The following PKHD1 variants were observed in gnomAD, a reference collection of about 807,000 sequenced individuals.
PKHD1 encodes PKHD1 ciliary IPT domain containing fibrocystin/polyductin, also known as fibrocystin.
A neutral mutation model predicts 412.0 loss-of-function variants in PKHD1; 291 were observed. That is an observed-to-expected ratio of 0.71 (90% CI 0.64 to 0.78). The LOEUF (loss-of-function observed/expected upper bound fraction) is 0.78. Among genes scored for constraint, PKHD1 ranks in the 30% least tolerant of loss-of-function variants. The probability of loss-of-function intolerance (pLI) is 0.00; values close to 1 mark genes in which losing one functional copy is unlikely to be tolerated. For synonymous variants in PKHD1, 1,777 were observed against 1,821.5 expected (o/e 0.98, Z 0.62); for missense variants, 4,825 against 4,950.7 (o/e 0.97, Z 0.76).
At position 52,058,386 on chromosome 6, in the gene PKHD1, G is replaced by A. The variant is rs1371241995; in HGVS notation, c.1449C>T (p.Val483=). 2.3e-5 allele frequency: 37 copies of A among 1,613,998 alleles called. No individual in the cohort carries two copies. The highest frequency in any genetic ancestry group is 3.0e-5 in the Non-Finnish European group (35 of 1,180,022). The change falls in exon 16 of 67, where the codon GTC becomes GTT. Residue 483 remains valine (V), a synonymous_variant. Coordinates refer to ENST00000371117, the MANE Select transcript of PKHD1 (RefSeq NM_138694.4). ...IHNTWLNPDV[V]TTYLREKHQI... ...GGTGCTTCTCCCGTAGGTAAGTGGT[G>A]ACCACATCAGGATTCAGCCAGGTGT...
intron 60 of PKHD1, among the ~76,000 whole-genome samples, chr6:51,684,038 G>T (rs1222962299): frequency 6.6e-6 from 1 of 152,058 alleles, no homozygotes. Context: ...CAAGAGAGAA[G>T]AAACATCAAC....
At chr6:51,864,312 C>T (rs1326021974) in intron 48 of PKHD1, among the ~76,000 whole-genome samples, 2 of 152,058 alleles carry the variant, frequency 1.3e-5, no homozygotes, top group Non-Finnish European at 2.9e-5. Context: ...AAGTTTCACG[C>T]AAGGGAATGG....
chr6:52,001,685 C>T (rs1798419535), intron 35 of PKHD1, among the ~76,000 whole-genome samples: 1 of 152,002 alleles, frequency 6.6e-6, no homozygotes, highest in South Asian at 2.1e-4. Context: ...CCCACGTCGG[C>T]CTCCCAAAGT....
intron 43 of PKHD1, 117 bp downstream of exon 43, chr6:51,903,480 A>G: frequency 4.7e-6 from 4 of 842,304 alleles, no homozygotes; most frequent in Non-Finnish European, 8.1e-6. Context: ...CAATTCTTCC[A>G]ATGGCAATTA....
intron 34 of PKHD1, among the ~76,000 whole-genome samples, chr6:52,012,126 C>G (rs1799909072): frequency 6.6e-6 from 1 of 152,200 alleles, no homozygotes; most frequent in African/African-American, 2.4e-5. Context: ...TGGTTACCAT[C>G]TACATGACAT....
chr6:51,926,545 T>C (rs1785658433), intron 37 of PKHD1, among the ~76,000 whole-genome samples: 1 of 152,190 alleles, frequency 6.6e-6, no homozygotes, highest in Admixed American at 6.5e-5. Context: ...TGTACTTGGA[T>C]TATTGAATAG....
At chr6:51,923,564 T>G (rs1785055990) in intron 37 of PKHD1, among the ~76,000 whole-genome samples, 1 of 151,550 alleles carries the variant, frequency 6.6e-6, no homozygotes, top group African/African-American at 2.4e-5. Context: ...TAGGTAAATT[T>G]TTATATAGTC....
intron 60 of PKHD1, among the ~76,000 whole-genome samples, chr6:51,739,173 T>C (rs975427934): frequency 4.7e-5 from 7 of 149,160 alleles, no homozygotes; most frequent in Non-Finnish European, 7.4e-5. Context: ...ACTCATGTTA[T>C]ATACATACAC....
chr6:51,784,401 G>A (rs1014576482), intron 53 of PKHD1, among the ~76,000 whole-genome samples: 5 of 152,046 alleles, frequency 3.3e-5, no homozygotes, highest in Admixed American at 1.3e-4. Context: ...TTATCTCTCT[G>A]GATTTCAGTT....
chr6:52,017,194 A>G (rs1800667947), intron 34 of PKHD1, among the ~76,000 whole-genome samples: 1 of 152,186 alleles, frequency 6.6e-6, no homozygotes, highest in African/African-American at 2.4e-5. Flanking sequence ...TACTGGGCAG[A>G]TTTTTCAGAT....
intron 52 of PKHD1, among the ~76,000 whole-genome samples, chr6:51,827,332 C>T (rs534725758): frequency 2.0e-5 from 3 of 152,174 alleles, no homozygotes; most frequent in Admixed American, 1.3e-4. Context: ...ATTCCATTAC[C>T]GCCAAAACTC....
intron 48 of PKHD1, among the ~76,000 whole-genome samples, chr6:51,861,564 T>C (rs779489301): frequency 1.3e-5 from 2 of 152,200 alleles, no homozygotes; most frequent in African/African-American, 4.8e-5. Context: ...GGAAGAAAAA[T>C]CAAAACTGTG....
intron 36 of PKHD1, among the ~76,000 whole-genome samples, chr6:51,959,406 G>A (rs138138197): frequency 6.6e-4 from 101 of 152,108 alleles, no homozygotes; most frequent in African/African-American, 2.0e-3. Context: ...CTATATAGCC[G>A]GTTTTGCAAT....
At chr6:52,015,479 C>A (rs1043647898) in intron 34 of PKHD1, among the ~76,000 whole-genome samples, 1 of 152,178 alleles carries the variant, frequency 6.6e-6, no homozygotes, top group East Asian at 1.9e-4. Flanking sequence ...CCCCATTAAA[C>A]TTTGTTTGTT....
intron 65 of PKHD1, among the ~76,000 whole-genome samples, chr6:51,631,939 C>CTTTT (rs1196969455): frequency 1.5e-5 from 2 of 130,028 alleles, no homozygotes; most frequent in Non-Finnish European, 3.3e-5. Flanking sequence ...TTTTTTTTTT[C>CTTTT]TTTTTTTTTT....
At chr6:52,065,193 A>AGAGAGACAGAGAGAGG (rs1257590254) in intron 12 of PKHD1, 143 bp from the exon 13 acceptor site, 1 of 181,118 alleles carries the variant, frequency 5.5e-6, no homozygotes, top group African/African-American at 2.5e-5. Context: ...AGAGAGAGAG[A>AGAGAGACAGAGAGAGG]GAGACAGAGA....
intron 43 of PKHD1, among the ~76,000 whole-genome samples, chr6:51,898,888 C>T (rs1238853586): frequency 6.6e-6 from 1 of 152,108 alleles, no homozygotes; most frequent in Non-Finnish European, 1.5e-5. Flanking sequence ...CCACAAACAC[C>T]TCTACGCAAA....
chr6:51,814,319 G>A (rs1385869875), intron 52 of PKHD1, among the ~76,000 whole-genome samples: 1 of 152,318 alleles, frequency 6.6e-6, no homozygotes, highest in East Asian at 1.9e-4. Context: ...ACCATACTGG[G>A]ATTTAGGCCT....
chr6:51,982,838 TAAAAAAATA>T (rs1562054062), intron 35 of PKHD1, among the ~76,000 whole-genome samples: 11 of 132,480 alleles, frequency 8.3e-5, no homozygotes, highest in East Asian at 2.2e-4. Context: ...AAATAAAAAA[TAAAAAAATA>T]AAAAAATAAA....
Sources: gnomAD v4.1 joint callset for allele counts (sites outside exome capture counted in the v4.1 genomes callset) on GRCh38, gnomAD v4.1.1 for gene constraint, MANE v1.5 for transcripts, NCBI Gene and HGNC (gene_info 2026-07-23, HGNC 2026-07-21) for gene names.